The following DGKI variants were observed in gnomAD, a reference collection of about 807,000 sequenced individuals.
DGKI encodes the protein DAG kinase iota.
In DGKI, 55 loss-of-function variants were observed where a neutral mutation model predicts 147.5. That is an observed-to-expected ratio of 0.37 (90% CI 0.30 to 0.47). The LOEUF (loss-of-function observed/expected upper bound fraction) is 0.47, where lower values mean the gene tolerates loss of function less well. Ranked by LOEUF, DGKI falls within the 20% of genes least tolerant of loss-of-function variation. DGKI has a pLI of 1.00. For missense variants in DGKI, 1,007 were observed against 1,323.8 expected, an observed-to-expected ratio of 0.76 and a Z score of 3.71; for synonymous variants, 469 against 477.1, an observed-to-expected ratio of 0.98 and a Z score of 0.22.
Position 137,385,452 on chromosome 7 carries a change from T to C in DGKI, c.*5768A>G, listed in dbSNP as rs1811154826. 6.6e-6 allele frequency: 1 copy of C among 152,070 alleles called. No homozygotes were observed. Among genetic ancestry groups the C allele is most frequent in the South Asian group, 2.1e-4 (1 of 4,834 alleles). 9.4% of individuals were successfully genotyped at this position (152,070 alleles called of 1,614,324 possible). On this transcript the variant is annotated 3_prime_UTR_variant, in exon 33 of 33. Coordinates refer to ENST00000614521, the MANE Select transcript of DGKI (RefSeq NM_001321708.2). ...GCCCCCTCAAATCACATATTCCTAA[T>C]CACAACACCCCTCAGAGTGGTCAGG...
rs142857937 is a variant in DGKI, at chr7:137,504,567, A to G, written c.2249-16878T>C. Among the ~76,000 whole-genome samples the G allele has an allele frequency of 2.1e-4, 32 of 152,348 alleles. No individual in the cohort carries two copies. The Middle Eastern group carries it at 0.014, about 65-fold the overall frequency. On this transcript the variant is annotated intron_variant, in intron 21 of 32. Coordinates refer to ENST00000614521, the MANE Select transcript of DGKI (RefSeq NM_001321708.2). ...GGAAAGGTATTGAACAATATGGTAA[A>G]CCATCAAAATATAGTCATCTTAGAA...
intron 30 of DGKI, among the ~76,000 whole-genome samples, chr7:137,407,576 G>A (rs1451026003): frequency 6.6e-6 from 1 of 152,026 alleles, no homozygotes; most frequent in East Asian, 1.9e-4. Context: ...AGCACACGAT[G>A]CCAGGCTGCA....
At chr7:137,551,979 C>G (rs868778673) in intron 20 of DGKI, among the ~76,000 whole-genome samples, 1 of 152,192 alleles carries the variant, frequency 6.6e-6, no homozygotes, top group Admixed American at 6.5e-5. Flanking sequence ...AACCAACACT[C>G]TCCAAGCGAC....
At chr7:137,621,674 A>T (rs1488137887) in intron 7 of DGKI, among the ~76,000 whole-genome samples, 5 of 152,256 alleles carry the variant, frequency 3.3e-5, no homozygotes, top group African/African-American at 1.2e-4. Flanking sequence ...AGTGGAACTG[A>T]CCAAAGCTCT....
chr7:137,527,667 T>A (rs1433583619), intron 20 of DGKI, among the ~76,000 whole-genome samples: 1 of 152,162 alleles, frequency 6.6e-6, no homozygotes, highest in Non-Finnish European at 1.5e-5. Flanking sequence ...GTAGAAACAT[T>A]GATTTTTATA....
intron 21 of DGKI, among the ~76,000 whole-genome samples, chr7:137,514,435 A>G (rs1316288569): frequency 2.0e-5 from 3 of 152,022 alleles, no homozygotes; most frequent in Admixed American, 6.6e-5. Flanking sequence ...CTCCAATCCA[A>G]CTACCAATTC....
intron 19 of DGKI, among the ~76,000 whole-genome samples, chr7:137,556,633 C>T (rs1011657807): frequency 6.6e-6 from 1 of 152,038 alleles, no homozygotes; most frequent in Non-Finnish European, 1.5e-5. Flanking sequence ...GACTTTTATG[C>T]AGAAAACTTT....
chr7:137,494,887 A>G (rs1815902173), intron 21 of DGKI, among the ~76,000 whole-genome samples: 1 of 152,176 alleles, frequency 6.6e-6, no homozygotes, highest in African/African-American at 2.4e-5. Flanking sequence ...CAAGTTAGAT[A>G]ATGACACAAG....
chr7:137,514,297 T>C (rs1816679160), intron 21 of DGKI, among the ~76,000 whole-genome samples: 1 of 152,214 alleles, frequency 6.6e-6, no homozygotes, highest in African/African-American at 2.4e-5. Flanking sequence ...CAGTCCATCA[T>C]TGATCAAGAT....
At chr7:137,740,630 C>A (rs933655280) in intron 1 of DGKI, among the ~76,000 whole-genome samples, 1 of 152,138 alleles carries the variant, frequency 6.6e-6, no homozygotes, top group Non-Finnish European at 1.5e-5. Context: ...CCCGATATCC[C>A]CGCACAAAAA....
In DGKI at chr7:137,635,096, C is replaced by G. The variant is rs79039325; in HGVS notation, c.804+10376G>C. 1.2e-3 allele frequency among the ~76,000 whole-genome samples: 181 copies of G among 152,186 alleles called. 1 individual carries two copies. Among genetic ancestry groups the G allele is most frequent in the African/African-American group, 4.1e-3 (171 of 41,528 alleles). On this transcript the variant is annotated intron_variant, in intron 6 of 32. Coordinates refer to ENST00000614521, the MANE Select transcript of DGKI (RefSeq NM_001321708.2). ...CATTAATTCCTACCAGAGAGCTTTCCCTTTGTAAGAACTAAAATCTTAGAC... is the reference window on the plus strand; with the variant it reads ...CATTAATTCCTACCAGAGAGCTTTCGCTTTGTAAGAACTAAAATCTTAGAC...
At chr7:137,458,145 T>C (rs887088648) in intron 27 of DGKI, among the ~76,000 whole-genome samples, 22 of 152,214 alleles carry the variant, frequency 1.4e-4, no homozygotes, top group Admixed American at 9.8e-4. Flanking sequence ...CAATACACGA[T>C]TGACTGAATT....
intron 3 of DGKI, among the ~76,000 whole-genome samples, chr7:137,674,246 G>C (rs936922792): frequency 5.3e-5 from 8 of 152,164 alleles, no homozygotes; most frequent in African/African-American, 1.9e-4. Flanking sequence ...GAGAGCTGTA[G>C]AACAGGAAAA....
chr7:137,541,176 G>C (rs1817689146), intron 20 of DGKI, among the ~76,000 whole-genome samples: 1 of 152,160 alleles, frequency 6.6e-6, no homozygotes, highest in Non-Finnish European at 1.5e-5. Context: ...TATGGCACTG[G>C]CAAAGGCATA....
intron 28 of DGKI, among the ~76,000 whole-genome samples, chr7:137,421,181 G>A (rs370350802): frequency 6.6e-6 from 1 of 152,240 alleles, no homozygotes; most frequent in East Asian, 1.9e-4. Flanking sequence ...ATGGTGCAGA[G>A]CACACATCTC....
chr7:137,561,387 A>G lies in DGKI; in HGVS notation c.1948-8819T>C, dbSNP rs569004996. ...AAAAGTTGATCTCACAGAAGTAAAA[A>G]GTAGAACAGAGGATACTAGAGGCTA... On this transcript the variant is annotated intron_variant, in intron 19 of 32. Coordinates refer to ENST00000614521, the MANE Select transcript of DGKI (RefSeq NM_001321708.2). Among the ~76,000 whole-genome samples, 21 of 152,336 alleles carry G rather than the reference A, an allele frequency of 1.4e-4. No individual in the cohort carries two copies. In the South Asian group the frequency reaches 4.4e-3, roughly 32 times the overall value.
intron 21 of DGKI, among the ~76,000 whole-genome samples, chr7:137,500,915 T>C (rs1816147823): frequency 6.6e-6 from 1 of 152,148 alleles, no homozygotes; most frequent in Non-Finnish European, 1.5e-5. Context: ...AAATATACAA[T>C]AAATTATTAT....
chr7:137,745,794 A>T (rs1346241972), intron 1 of DGKI, among the ~76,000 whole-genome samples: 1 of 152,214 alleles, frequency 6.6e-6, no homozygotes, highest in Non-Finnish European at 1.5e-5. Context: ...AAAAAAACAT[A>T]TGCTGAGGTT....
chr7:137,398,242 G>A (rs1040774410), intron 30 of DGKI, among the ~76,000 whole-genome samples: 1 of 152,114 alleles, frequency 6.6e-6, no homozygotes, highest in Non-Finnish European at 1.5e-5. Flanking sequence ...TCCAAGTTGG[G>A]ACCACCCCAG....
Sources: allele counts gnomAD v4.1 joint callset (sites outside exome capture counted in the v4.1 genomes callset), GRCh38; gene constraint gnomAD v4.1.1; transcripts MANE v1.5; gene names NCBI Gene and HGNC (gene_info 2026-07-23, HGNC 2026-07-21).